MAF: variants seen among roughly 807,000 people sequenced by gnomAD.
MAF encodes the protein MAF bZIP transcription factor, also known as transcription factor Maf.
In MAF, 10 loss-of-function variants were observed where a neutral mutation model predicts 22.0. The ratio of observed to expected loss-of-function variants is 0.45; its 90% CI spans 0.28 to 0.77. The LOEUF (loss-of-function observed/expected upper bound fraction) is 0.77, where lower values mean the gene tolerates loss of function less well. Ranked by LOEUF, MAF falls within the 30% of genes least tolerant of loss-of-function variation. The pLI is 0.12. For missense variants in MAF, 544 were observed against 548.4 expected, an observed-to-expected ratio of 0.99 and a Z score of 0.08; for synonymous variants, 337 against 255.8, an observed-to-expected ratio of 1.32 and a Z score of -3.03.
chr16:79,469,931 A>G, the MAF span, among the ~76,000 whole-genome samples: 3 of 152,300 alleles, frequency 2.0e-5, no homozygotes, highest in Non-Finnish European at 4.4e-5. Context: ...CCACCTCATG[A>G]CAGGGCACAT....
chr16:79,458,408 G>A, the MAF span, among the ~76,000 whole-genome samples: 1 of 152,086 alleles, frequency 6.6e-6, no homozygotes, highest in Non-Finnish European at 1.5e-5. Flanking sequence ...GTGGCCCTCA[G>A]AGACAGAGTG....
the MAF span, among the ~76,000 whole-genome samples, chr16:79,379,480 G>A: frequency 4.2e-4 from 62 of 148,232 alleles, no homozygotes; most frequent in Non-Finnish European, 6.2e-4. Context: ...GAAGTAGTAC[G>A]GCTCTTGATC....
the MAF span, among the ~76,000 whole-genome samples, chr16:79,514,754 C>G: frequency 6.6e-6 from 1 of 152,192 alleles, no homozygotes; most frequent in African/African-American, 2.4e-5. Flanking sequence ...CAATCAGGGA[C>G]TCCATTGTTT....
At chr16:79,508,255 G>C in the MAF span, among the ~76,000 whole-genome samples, 3 of 152,186 alleles carry the variant, frequency 2.0e-5, no homozygotes, top group South Asian at 2.1e-4. Context: ...TGTCTGGATT[G>C]GCTGAGCACC....
At chr16:79,459,533 C>T in the MAF span, among the ~76,000 whole-genome samples, 1 of 152,032 alleles carries the variant, frequency 6.6e-6, no homozygotes, top group South Asian at 2.1e-4. Context: ...AAGGAAAAGT[C>T]ACTTCCCATT....
chr16:79,272,131 G>A, the MAF span, among the ~76,000 whole-genome samples: 1 of 152,190 alleles, frequency 6.6e-6, no homozygotes, highest in African/African-American at 2.4e-5. Context: ...CAGCAGGCGG[G>A]GGCCCCCACC....
the MAF span, among the ~76,000 whole-genome samples, chr16:79,213,805 T>C: frequency 6.6e-6 from 1 of 152,198 alleles, no homozygotes; most frequent in African/African-American, 2.4e-5. Context: ...ATAGTAAAAG[T>C]TTATTTTAAG....
rs1484553885 is a variant in MAF at position 79,600,491 on chromosome 16, T to A, written c.-589A>T. The A allele has an allele frequency of 5.1e-6, 1 of 194,790 alleles. No individual in the cohort carries two copies. Among genetic ancestry groups the A allele is most frequent in the African/African-American group, 2.4e-5 (1 of 41,970 alleles). The allele number at this position is 194,790 out of a possible 1,614,324, so 12.1% of individuals were successfully genotyped here. On this transcript the variant is annotated 5_prime_UTR_variant, in exon 1 of 2. Coordinates refer to ENST00000326043, the MANE Select transcript of MAF (RefSeq NM_005360.5). Reference sequence around the variant, plus strand: ...GCTTGGCTCTCTTTATTATTTTTTTTCTTTCCTCTCTCTCCCTCGCGCGCT... The same window carrying A: ...GCTTGGCTCTCTTTATTATTTTTTTACTTTCCTCTCTCTCCCTCGCGCGCT...
the MAF span, among the ~76,000 whole-genome samples, chr16:79,567,774 T>C: frequency 3.5e-4 from 54 of 152,318 alleles, 1 homozygote; most frequent in East Asian, 0.01. Flanking sequence ...CTTTCCTATG[T>C]CTAGGGAGAT....
the MAF span, among the ~76,000 whole-genome samples, chr16:79,504,631 G>A: frequency 0.039 from 5,873 of 152,088 alleles, 365 homozygotes; most frequent in African/African-American, 0.13. Context: ...ATGGATGGGT[G>A]AATGGATGGA....
chr16:79,542,532 T>A, the MAF span, among the ~76,000 whole-genome samples: 1 of 152,080 alleles, frequency 6.6e-6, no homozygotes, highest in Non-Finnish European at 1.5e-5. Flanking sequence ...GGCCCTTGGA[T>A]AACAAAAGGA....
At chr16:79,588,651 C>T (rs1913006371) in intron 1 of MAF, among the ~76,000 whole-genome samples, 1 of 151,868 alleles carries the variant, frequency 6.6e-6, no homozygotes, top group Middle Eastern at 3.4e-3. Flanking sequence ...TAGTAGAGAC[C>T]GGGTTTCACC....
chr16:79,598,306 GA>G, intron 1 of MAF: 1 of 1,092,156 alleles, frequency 9.2e-7, no homozygotes, highest in Non-Finnish European at 1.1e-6. Flanking sequence ...CACACACACA[GA>G]AAATGAACAC....
the MAF span, among the ~76,000 whole-genome samples, chr16:79,520,482 T>C: frequency 2.0e-5 from 3 of 152,100 alleles, no homozygotes; most frequent in Non-Finnish European, 4.4e-5. Context: ...TCTGTGTGTG[T>C]GTGCGTGTGT....
At chr16:79,241,052 AC>A in the MAF span, among the ~76,000 whole-genome samples, 1 of 152,080 alleles carries the variant, frequency 6.6e-6, no homozygotes, top group Non-Finnish European at 1.5e-5. Flanking sequence ...AACATCAAAG[AC>A]CAAAGGTAGG....
At chr16:79,209,471 C>G in the MAF span, among the ~76,000 whole-genome samples, 1 of 152,192 alleles carries the variant, frequency 6.6e-6, no homozygotes, top group Non-Finnish European at 1.5e-5. Flanking sequence ...GCCAGTCTGT[C>G]ATGACGTTTG....
the MAF span, among the ~76,000 whole-genome samples, chr16:79,423,303 G>A: frequency 7.7e-4 from 118 of 152,266 alleles, no homozygotes; most frequent in African/African-American, 2.8e-3. Flanking sequence ...GGACCAAGGA[G>A]AGGAGGTGGG....
the MAF span, among the ~76,000 whole-genome samples, chr16:79,509,135 A>T: frequency 6.6e-6 from 1 of 152,220 alleles, no homozygotes; most frequent in Non-Finnish European, 1.5e-5. Flanking sequence ...CGTAGGTTGC[A>T]CTGCTGAAGT....
chr16:79,583,457 T>G (rs1333949545), downstream of MAF, among the ~76,000 whole-genome samples: 1 of 152,162 alleles, frequency 6.6e-6, no homozygotes. Flanking sequence ...AAGCTACAAA[T>G]GGGCCTCTCC....
Sources: gnomAD v4.1 joint callset for allele counts (sites outside exome capture counted in the v4.1 genomes callset) on GRCh38, gnomAD v4.1.1 for gene constraint, MANE v1.5 for transcripts, NCBI Gene and HGNC (gene_info 2026-07-23, HGNC 2026-07-21) for gene names.